Variants in CLCN3 observed in about 807,000 individuals in gnomAD.
CLCN3 encodes the protein H(+)/Cl(-) exchange transporter 3.
CLCN3 carries 16 observed loss-of-function variants against 83.4 expected under a neutral mutation model. The observed-to-expected ratio is 0.19, with a 90% confidence interval of 0.13 to 0.29. The LOEUF (loss-of-function observed/expected upper bound fraction) is 0.29, where lower values mean the gene tolerates loss of function less well. Ranked by LOEUF, CLCN3 falls within the 10% of genes least tolerant of loss-of-function variation. The probability of loss-of-function intolerance (pLI) is 1.00; values close to 1 mark genes in which losing one functional copy is unlikely to be tolerated. For synonymous variants in CLCN3, 322 were observed against 346.2 expected, an observed-to-expected ratio of 0.93 and a Z score of 0.78; for missense variants, 544 against 1,006.0, an observed-to-expected ratio of 0.54 and a Z score of 6.21.
intron 5 of CLCN3, 21 bp from the exon 6 acceptor site, chr4:169,690,509 C>T: frequency 6.3e-7 from 1 of 1,599,810 alleles, no homozygotes; most frequent in Admixed American, 1.8e-5. Flanking sequence ...AATTCATACT[C>T]TCGAACTATT....
intron 2 of CLCN3, among the ~76,000 whole-genome samples, chr4:169,667,723 T>C (rs377475452): frequency 6.6e-6 from 1 of 151,604 alleles, no homozygotes. Context: ...GTAGAAGAAC[T>C]CATTGTCCAA....
intron 9 of CLCN3, among the ~76,000 whole-genome samples, chr4:169,703,675 CTT>C (rs1215741103): frequency 3.2e-5 from 4 of 123,318 alleles, no homozygotes; most frequent in East Asian, 2.3e-4. Context: ...TTTTTTTTTT[CTT>C]TTTTTTTTTT....
At chr4:169,637,608 C>T (rs1239350420) in intron 2 of CLCN3, among the ~76,000 whole-genome samples, 1 of 151,652 alleles carries the variant, frequency 6.6e-6, no homozygotes, top group African/African-American at 2.4e-5. Flanking sequence ...ACAACAACAA[C>T]AAAAACTTTT....
At position 169,635,977 on chromosome 4, in the gene CLCN3, A is replaced by C; in HGVS notation, c.49A>C (p.Asn17His). ...TAGAGGCTACTATAGAAACAGCTAC[A>C]ACAGTATAACAAGTGCAAGTAGTGA... ...FHRGYYRNSY[N>H]SITSASSDEE... The change falls in exon 2 of 13, where the codon AAC becomes CAC. Residue 17 changes from asparagine (N) to histidine (H), a missense_variant. By Grantham distance (68) the Asn-to-His change is moderately conservative (BLOSUM62 1). This residue lies in a region of CLCN3 where 77 missense variants were observed against 92.8 expected (regional missense o/e 0.83). Coordinates refer to ENST00000513761, the MANE Select transcript of CLCN3 (RefSeq NM_001829.4). 1 of 1,613,284 alleles carries C rather than the reference A, an allele frequency of 6.2e-7. No individual in the cohort carries two copies.
At chr4:169,703,958 G>A (rs1319340393) in intron 9 of CLCN3, 40 bp from the exon 10 acceptor site, 1 of 1,587,988 alleles carries the variant, frequency 6.3e-7, no homozygotes, top group Non-Finnish European at 8.6e-7. Context: ...CATGTGAGTA[G>A]AGGATCTCTG....
chr4:169,669,596 G>C (rs184713715), intron 2 of CLCN3, among the ~76,000 whole-genome samples: 1 of 152,190 alleles, frequency 6.6e-6, no homozygotes, highest in Non-Finnish European at 1.5e-5. Flanking sequence ...ATAATTTTTA[G>C]GAAGTATGAA....
At chr4:169,702,796 AAG>A (rs1732845532) in intron 9 of CLCN3, 2 of 308,640 alleles carry the variant, frequency 6.5e-6, no homozygotes, top group Non-Finnish European at 6.5e-6. Flanking sequence ...AAAAAAAAAA[AAG>A]AAAGCCAGGT....
At position 169,689,899 on chromosome 4, in the gene CLCN3, C is replaced by A. The variant is rs150988340; in HGVS notation, c.607-631C>A. ...GCAGAATGAAATCTGAGTGGTGATG[C>A]AATTTGTTTCCACTGTTTCCAAAAA... is the stretch of plus-strand genomic sequence containing the variant. On this transcript the variant is annotated intron_variant, in intron 5 of 12. Transcript: ENST00000513761. Among the ~76,000 whole-genome samples the A allele has an allele frequency of 2.0e-4, 30 of 152,144 alleles. No homozygotes were observed. In the East Asian group the frequency reaches 5.2e-3, roughly 26 times the overall value.
intron 4 of CLCN3, among the ~76,000 whole-genome samples, 191 bp from the exon 5 acceptor site, chr4:169,688,852 T>C (rs1234628730): frequency 4.6e-5 from 7 of 152,178 alleles, no homozygotes; most frequent in Admixed American, 2.6e-4. Flanking sequence ...CAAACAAAAA[T>C]AGCACTTTTA....
intron 2 of CLCN3, among the ~76,000 whole-genome samples, chr4:169,643,890 A>G (rs1560832662): frequency 6.6e-6 from 1 of 152,160 alleles, no homozygotes; most frequent in Non-Finnish European, 1.5e-5. Context: ...TATTGGCAAC[A>G]ATATACTGTC....
chr4:169,662,725 G>C (rs1731099591), intron 2 of CLCN3: 2 of 152,140 alleles, frequency 1.3e-5, no homozygotes, highest in South Asian at 4.1e-4. Context: ...ATGGTAAATG[G>C]TGAAGCTTCC....
At position 169,707,103 on chromosome 4, in the gene CLCN3, G is replaced by A; in HGVS notation, c.1986G>A (p.Arg662=). Residue 662 remains arginine (R), a synonymous_variant, in exon 11 of 13, where the codon AGG becomes AGA. Coordinates refer to ENST00000513761, the MANE Select transcript of CLCN3 (RefSeq NM_001829.4). ...CTGCTGACGTTATGAGACCTCGAAGGAATGATCCTCCCTTAGCTGTCCTGA... is the reference window on the plus strand; with the variant it reads ...CTGCTGACGTTATGAGACCTCGAAGAAATGATCCTCCCTTAGCTGTCCTGA... ...TLAADVMRPR[R]NDPPLAVLTQ... The A allele has an allele frequency of 6.2e-7, 1 of 1,614,094 alleles. No individual in the cohort carries two copies. Among genetic ancestry groups the A allele is most frequent in the Non-Finnish European group, 8.5e-7 (1 of 1,179,980 alleles).
Position 169,690,519 on chromosome 4 carries a change from T to C in CLCN3, c.607-11T>C. 1 of 1,602,362 alleles carries C rather than the reference T, an allele frequency of 6.2e-7. No homozygotes were observed. Among genetic ancestry groups the C allele is most frequent in the Non-Finnish European group, 8.5e-7 (1 of 1,176,680 alleles). On this transcript the variant is annotated splice_polypyrimidine_tract_variant and intron_variant, in intron 5 of 12. Transcript: ENST00000513761. ...AATTAAATTCATACTCTCGAACTATTTTCTTTTTAGGGTCCTGGTTCTTAT... is the reference window on the plus strand; with the variant it reads ...AATTAAATTCATACTCTCGAACTATCTTCTTTTTAGGGTCCTGGTTCTTAT...
chr4:169,718,208 A>G (rs548246922), intron 12 of CLCN3, among the ~76,000 whole-genome samples: 1 of 152,006 alleles, frequency 6.6e-6, no homozygotes, highest in East Asian at 1.9e-4. Context: ...CACCGGTCTC[A>G]GAAGACACCT....
At chr4:169,677,290 C>G (rs1207892742) in intron 2 of CLCN3, among the ~76,000 whole-genome samples, 1 of 151,946 alleles carries the variant, frequency 6.6e-6, no homozygotes, top group Non-Finnish European at 1.5e-5. Flanking sequence ...GACTTTAGAT[C>G]AGGGATTGGC....
chr4:169,712,676 G>C (rs972766368), intron 11 of CLCN3, among the ~76,000 whole-genome samples: 1 of 152,182 alleles, frequency 6.6e-6, no homozygotes, highest in Non-Finnish European at 1.5e-5. Context: ...TGCAGAATAA[G>C]TAACATTCAG....
chr4:169,688,841 C>T (rs909313287), intron 4 of CLCN3, among the ~76,000 whole-genome samples: 1 of 152,040 alleles, frequency 6.6e-6, no homozygotes, highest in African/African-American at 2.4e-5. Context: ...TTTTAAAATT[C>T]CAAACAAAAA....
intron 5 of CLCN3, 47 bp from the exon 6 acceptor site, chr4:169,690,483 G>A (rs778940223): frequency 6.3e-7 from 1 of 1,578,684 alleles, no homozygotes; most frequent in South Asian, 1.2e-5. Context: ...TTGCATTAGA[G>A]GTGCAATGTA....
rs1733028393 is a variant in CLCN3 at position 169,707,195 on chromosome 4, C to G, written c.2078C>G (p.Pro693Arg). Residue 693 changes from proline to arginine, a missense_variant, in exon 11 of 13, where the codon CCT becomes CGT. Pro to Arg is a moderately radical substitution (Grantham distance 103, BLOSUM62 -2). Coordinates refer to ENST00000513761, the MANE Select transcript of CLCN3 (RefSeq NM_001829.4). ...AATGAAACCAGCTACAATGGATTTCCTGTCATAATGTCAAAAGAATCTCAG... is the reference window on the plus strand; with the variant it reads ...AATGAAACCAGCTACAATGGATTTCGTGTCATAATGTCAAAAGAATCTCAG... ...MINETSYNGF[P>R]VIMSKESQRL... is the part of the protein sequence containing the mutation. 1 of 1,613,742 alleles carries G rather than the reference C, an allele frequency of 6.2e-7. No individual in the cohort carries two copies. The highest frequency in any genetic ancestry group is 8.5e-7 in the Non-Finnish European group (1 of 1,179,882).
Sources: gnomAD v4.1 joint callset for allele counts (sites outside exome capture counted in the v4.1 genomes callset) on GRCh38, gnomAD v4.1.1 for gene constraint, gnomAD v4.1.1 regional missense constraint, MANE v1.5 for transcripts, NCBI Gene and HGNC (gene_info 2026-07-23, HGNC 2026-07-21) for gene names.